The following PLXDC2 variants were observed in gnomAD, a reference collection of about 807,000 sequenced individuals.
The protein encoded by PLXDC2 is plexin domain containing 2.
Under a neutral mutation model 68.9 loss-of-function variants are expected in PLXDC2, and 40 were observed. That is an observed-to-expected ratio of 0.58 (90% CI 0.45 to 0.76). The LOEUF is 0.76. Among genes scored for constraint, PLXDC2 ranks in the 30% least tolerant of loss-of-function variants. PLXDC2 has a pLI of 0.00. For synonymous variants in PLXDC2, 243 were observed against 234.2 expected (o/e 1.04, Z -0.34); for missense variants, 644 against 661.9 (o/e 0.97, Z 0.30).
chr10:19,870,377 T>C (rs1837512642), intron 1 of PLXDC2, among the ~76,000 whole-genome samples: 1 of 152,176 alleles, frequency 6.6e-6, no homozygotes, highest in African/African-American at 2.4e-5. Context: ...CTTTTATCGT[T>C]TCCAGGCATT....
chr10:20,113,793 A>T (rs949726155), intron 4 of PLXDC2, among the ~76,000 whole-genome samples: 6 of 152,110 alleles, frequency 3.9e-5, no homozygotes, highest in Non-Finnish European at 5.9e-5. Context: ...GGAAGAAAAC[A>T]TTCTCCTTAA....
At chr10:20,189,939 A>G (rs1329331158) in intron 9 of PLXDC2, among the ~76,000 whole-genome samples, 1 of 151,780 alleles carries the variant, frequency 6.6e-6, no homozygotes, top group Non-Finnish European at 1.5e-5. Context: ...ATAGGTGCTT[A>G]AGCCAAGTTC....
intron 1 of PLXDC2, among the ~76,000 whole-genome samples, chr10:19,949,916 A>G (rs1462344040): frequency 6.6e-6 from 1 of 152,224 alleles, no homozygotes; most frequent in Non-Finnish European, 1.5e-5. Context: ...ATACATTATT[A>G]TAGCCCAACT....
chr10:20,259,837 C>T (rs370986852), intron 13 of PLXDC2, among the ~76,000 whole-genome samples: 15 of 152,158 alleles, frequency 9.9e-5, no homozygotes, highest in African/African-American at 3.6e-4. Flanking sequence ...CAAAACTGAC[C>T]TGCCAAGGCC....
At chr10:20,178,005 T>C (rs541145515) in intron 9 of PLXDC2, among the ~76,000 whole-genome samples, 1 of 152,192 alleles carries the variant, frequency 6.6e-6, no homozygotes, top group African/African-American at 2.4e-5. Context: ...TATAGAGCAG[T>C]TGATGAGCCT....
rs12779736 is a variant in PLXDC2, at chr10:19,823,498, A to C, written c.112+6307A>C. Among the ~76,000 whole-genome samples the C allele has an allele frequency of 5.4e-3, 823 of 151,464 alleles. 8 individuals are homozygous for C. Among genetic ancestry groups the C allele is most frequent in the African/African-American group, 0.019 (769 of 41,168 alleles). ...GGAGATCAAGACCATCCTGGCCAAC[A>C]TGGTGAAACCCCGTCTTCCCTAAAA... is the stretch of plus-strand genomic sequence containing the variant. On this transcript the variant is annotated intron_variant, in intron 1 of 13. Coordinates refer to ENST00000377252, the MANE Select transcript of PLXDC2 (RefSeq NM_032812.9).
intron 3 of PLXDC2, among the ~76,000 whole-genome samples, chr10:20,058,417 T>C (rs2063202515): frequency 6.6e-6 from 1 of 152,202 alleles, no homozygotes; most frequent in South Asian, 2.1e-4. Flanking sequence ...ATTTACTCTT[T>C]CTTAATTACT....
chr10:19,985,972 A>G (rs1194477292), intron 1 of PLXDC2, among the ~76,000 whole-genome samples: 2 of 152,144 alleles, frequency 1.3e-5, no homozygotes, highest in Non-Finnish European at 2.9e-5. Flanking sequence ...TCCTCCTTCC[A>G]GTCCTCCAGT....
chr10:20,153,840 C>G (rs1834181104), intron 6 of PLXDC2, among the ~76,000 whole-genome samples: 1 of 152,156 alleles, frequency 6.6e-6, no homozygotes, highest in Non-Finnish European at 1.5e-5. Flanking sequence ...AGAATGCCCT[C>G]TTAAAAACTT....
chr10:19,832,849 G>T (rs1836720913), intron 1 of PLXDC2, among the ~76,000 whole-genome samples: 1 of 152,210 alleles, frequency 6.6e-6, no homozygotes, highest in Non-Finnish European at 1.5e-5. Flanking sequence ...TTGTCTTGTG[G>T]TTGCTAAAAG....
Position 19,956,244 on chromosome 10 carries a change from A to G in PLXDC2, c.113-45531A>G, listed in dbSNP as rs145043436. Among the ~76,000 whole-genome samples the G allele has an allele frequency of 3.8e-3, 581 of 152,316 alleles. 5 individuals are homozygous for G. Among genetic ancestry groups the G allele is most frequent in the African/African-American group, 0.013 (556 of 41,566 alleles). On this transcript the variant is annotated intron_variant, in intron 1 of 13. Coordinates refer to ENST00000377252, the MANE Select transcript of PLXDC2 (RefSeq NM_032812.9). Reference sequence around the variant, plus strand: ...CGAGTCTTAATTGACTGGAAATATTAGTGAAAGAATGGCAACTACTCTCAG... The same window carrying G: ...CGAGTCTTAATTGACTGGAAATATTGGTGAAAGAATGGCAACTACTCTCAG...
chr10:20,109,195 C>T (rs1432145219), intron 4 of PLXDC2, among the ~76,000 whole-genome samples: 1 of 152,078 alleles, frequency 6.6e-6, no homozygotes, highest in Non-Finnish European at 1.5e-5. Flanking sequence ...TTGCTTATGC[C>T]AGTTAATCTT....
intron 1 of PLXDC2, among the ~76,000 whole-genome samples, chr10:19,929,736 T>G (rs541308472): frequency 3.9e-5 from 6 of 152,274 alleles, no homozygotes; most frequent in East Asian, 1.9e-4. Context: ...CTCTGAAATA[T>G]AACCACTGAT....
chr10:20,216,761 G>T (rs1835143404), intron 10 of PLXDC2, among the ~76,000 whole-genome samples: 1 of 152,094 alleles, frequency 6.6e-6, no homozygotes, highest in African/African-American at 2.4e-5. Flanking sequence ...TGTAGGATTT[G>T]TTTTCACAAA....
intron 13 of PLXDC2, among the ~76,000 whole-genome samples, chr10:20,277,267 C>G (rs1318600832): frequency 1.4e-5 from 2 of 143,608 alleles, no homozygotes; most frequent in Admixed American, 6.9e-5. Flanking sequence ...AAAGAATAAT[C>G]TGACCACATG....
At chr10:20,237,737 C>T (rs1174585119) in intron 12 of PLXDC2, among the ~76,000 whole-genome samples, 1 of 152,138 alleles carries the variant, frequency 6.6e-6, no homozygotes, top group Non-Finnish European at 1.5e-5. Flanking sequence ...CACATTTTGG[C>T]ATCTTCTGTG....
At chr10:20,006,049 C>T (rs1167187555) in intron 2 of PLXDC2, among the ~76,000 whole-genome samples, 1 of 151,808 alleles carries the variant, frequency 6.6e-6, no homozygotes, top group Non-Finnish European at 1.5e-5. Context: ...AATTAGCTGG[C>T]GAGTGTCTGT....
At chr10:20,132,049 T>G (rs1397938598) in intron 4 of PLXDC2, among the ~76,000 whole-genome samples, 1 of 152,196 alleles carries the variant, frequency 6.6e-6, no homozygotes, top group Non-Finnish European at 1.5e-5. Context: ...TATATTTGCA[T>G]TTTTGTTTGT....
intron 9 of PLXDC2, among the ~76,000 whole-genome samples, chr10:20,210,348 A>C (rs1835052266): frequency 1.3e-5 from 2 of 152,092 alleles, no homozygotes; most frequent in African/African-American, 4.8e-5. Flanking sequence ...TACTGTACTC[A>C]CCTATTTTCA....
Sources: gnomAD v4.1 joint callset for allele counts (sites outside exome capture counted in the v4.1 genomes callset) on GRCh38, gnomAD v4.1.1 for gene constraint, MANE v1.5 for transcripts, NCBI Gene and HGNC (gene_info 2026-07-23, HGNC 2026-07-21) for gene names.